Variants in CYLC2 observed in about 807,000 individuals in gnomAD.
CYLC2 encodes cylicin-2.
In CYLC2, 30 loss-of-function variants were observed where a neutral mutation model predicts 26.1. The ratio of observed to expected loss-of-function variants is 1.15; its 90% CI spans 0.86 to 1.56. The LOEUF is 1.56. Ranked by LOEUF, CYLC2 falls within the 40% of genes most tolerant of loss-of-function variation. The probability of loss-of-function intolerance (pLI) is 0.00; values close to 1 mark genes in which losing one functional copy is unlikely to be tolerated. For synonymous variants in CYLC2, 158 were observed against 132.8 expected (o/e 1.19, Z -1.31); for missense variants, 498 against 394.4 (o/e 1.26, Z -2.23).
At chr9:102,996,950 G>A (rs79034336) in intron 1 of CYLC2, among the ~76,000 whole-genome samples, 4,471 of 151,938 alleles carry the variant, frequency 0.029, 93 homozygotes, top group Non-Finnish European at 0.046. Flanking sequence ...AAACAGGTAG[G>A]AGAGGTTATC....
At chr9:103,015,700 T>C (rs114087720) in intron 6 of CYLC2, among the ~76,000 whole-genome samples, 64 of 149,282 alleles carry the variant, frequency 4.3e-4, no homozygotes, top group African/African-American at 1.5e-3. Flanking sequence ...ATGACTAATA[T>C]GGCTTTTAGA....
intron 1 of CYLC2, among the ~76,000 whole-genome samples, chr9:103,000,289 G>T (rs1829276056): frequency 6.6e-6 from 1 of 151,770 alleles, no homozygotes. Flanking sequence ...CAATTGCTGG[G>T]TGATTAAATA....
At chr9:103,016,104 C>T (rs1019305019) in intron 6 of CYLC2, among the ~76,000 whole-genome samples, 4 of 151,564 alleles carry the variant, frequency 2.6e-5, no homozygotes, top group Admixed American at 6.6e-5. Flanking sequence ...TCTATATCTA[C>T]ATATACACAT....
At chr9:103,008,930 T>G (rs1405977047) in intron 5 of CYLC2, among the ~76,000 whole-genome samples, 1 of 152,148 alleles carries the variant, frequency 6.6e-6, no homozygotes, top group East Asian at 1.9e-4. Flanking sequence ...GATGCCACAC[T>G]TACCATCAAC....
intron 1 of CYLC2, among the ~76,000 whole-genome samples, chr9:102,995,607 C>G (rs539203549): frequency 6.6e-6 from 1 of 151,724 alleles, no homozygotes; most frequent in Non-Finnish European, 1.5e-5. Context: ...AAATAGATAC[C>G]TGGCTTTGGA....
chr9:103,005,113 GC>G lies in CYLC2; in HGVS notation c.483del (p.Ser161ArgfsTer72). On this transcript the variant is annotated frameshift_variant, in exon 5 of 8. Transcript: ENST00000374798. LOFTEE classifies it high-confidence loss of function. ...KEEKLDAKKD[S>X]KKGKKDAEKG... ...GAAAAGCTAGATGCAAAGAAAGATA[GC>G]AAAAAAGGTAAAAAGGATGCAGAGA... The G allele has an allele frequency of 6.2e-7, 1 of 1,606,452 alleles. No individual in the cohort carries two copies. Among genetic ancestry groups the G allele is most frequent in the African/African-American group, 1.3e-5 (1 of 74,102 alleles).
At chr9:102,998,659 G>C (rs1448076468) in intron 1 of CYLC2, among the ~76,000 whole-genome samples, 1 of 151,886 alleles carries the variant, frequency 6.6e-6, no homozygotes, top group Non-Finnish European at 1.5e-5. Flanking sequence ...TACTAAAAAT[G>C]CAAGAGGTTA....
intron 5 of CYLC2, among the ~76,000 whole-genome samples, chr9:103,007,877 A>C (rs1829367962): frequency 6.6e-6 from 1 of 152,034 alleles, no homozygotes; most frequent in African/African-American, 2.4e-5. Context: ...TTTAACACTT[A>C]ACATTGGGTC....
intron 6 of CYLC2, among the ~76,000 whole-genome samples, chr9:103,015,683 T>C (rs982198258): frequency 6.7e-6 from 1 of 149,012 alleles, no homozygotes; most frequent in Non-Finnish European, 1.5e-5. Context: ...GTAGCTCGTT[T>C]TTGTCTATGA....
chr9:103,006,982 T>C (rs995989278), intron 5 of CYLC2, among the ~76,000 whole-genome samples: 1 of 152,136 alleles, frequency 6.6e-6, no homozygotes, highest in African/African-American at 2.4e-5. Context: ...GATTTCAGGA[T>C]TCCACAATGT....
intron 1 of CYLC2, 140 bp downstream of exon 1, chr9:102,995,537 T>A (rs1829228655): frequency 1.6e-6 from 1 of 642,712 alleles, no homozygotes. Flanking sequence ...AGACAAAGAT[T>A]CTCAAGCAAC....
At chr9:103,014,220 T>C (rs192458798) in intron 6 of CYLC2, among the ~76,000 whole-genome samples, 8,023 of 118,846 alleles carry the variant, frequency 0.068, 290 homozygotes, top group South Asian at 0.11. Context: ...ATCTCATATA[T>C]AATATATAAT....
At chr9:103,011,267 C>T (rs1366146098) in intron 5 of CYLC2, among the ~76,000 whole-genome samples, 1 of 152,056 alleles carries the variant, frequency 6.6e-6, no homozygotes, top group African/African-American at 2.4e-5. Context: ...AATTTGTAAG[C>T]TGTTTGAAGA....
At position 103,014,022 on chromosome 9, in the gene CYLC2, AT is replaced by A. The variant is rs1829455286; in HGVS notation, c.*816+1927del. Among the ~76,000 whole-genome samples, 19 of 110,804 alleles carry A rather than the reference AT, an allele frequency of 1.7e-4. 1 individual carries two copies. In the South Asian group the frequency reaches 5.2e-3, roughly 30 times the overall value. 72.7% of individuals were successfully genotyped at this position (110,804 alleles called of 152,430 possible). ...AGTTATATTATAATATATTAAATAT[AT>A]TATTCATATTATATACATACTTTAT... On this transcript the variant is annotated intron_variant, in intron 6 of 7. Coordinates refer to ENST00000374798, the MANE Select transcript of CYLC2 (RefSeq NM_001340.5).
At chr9:102,995,455 T>A (rs1279850681) in intron 1 of CYLC2, 58 bp downstream of exon 1, 1 of 1,252,306 alleles carries the variant, frequency 8.0e-7, no homozygotes, top group East Asian at 2.3e-5. Context: ...TACATTTAAC[T>A]TCTTTAGTAT....
intron 1 of CYLC2, among the ~76,000 whole-genome samples, chr9:102,997,046 T>A (rs577541414): frequency 6.6e-6 from 1 of 152,010 alleles, no homozygotes; most frequent in African/African-American, 2.4e-5. Flanking sequence ...ATCTAATGTA[T>A]ATTTTATGTT....
rs184568737 is a variant in CYLC2 at position 103,015,786 on chromosome 9, T to A, written c.*817-1102T>A. On this transcript the variant is annotated intron_variant, in intron 6 of 7. Coordinates refer to ENST00000374798, the MANE Select transcript of CYLC2 (RefSeq NM_001340.5). Reference sequence around the variant, plus strand: ...AGTTTTAAACTGTGCCAATATATCATCTAAAATTCTAGTTTCATATCTTGT... The same window carrying A: ...AGTTTTAAACTGTGCCAATATATCAACTAAAATTCTAGTTTCATATCTTGT... 2.3e-3 allele frequency among the ~76,000 whole-genome samples: 349 copies of A among 150,158 alleles called. 1 individual carries two copies. Among genetic ancestry groups the A allele is most frequent in the African/African-American group, 8.1e-3 (333 of 41,272 alleles).
At chr9:103,006,659 C>G (rs1829354942) in intron 5 of CYLC2, among the ~76,000 whole-genome samples, 1 of 152,026 alleles carries the variant, frequency 6.6e-6, no homozygotes, top group African/African-American at 2.4e-5. Context: ...CGTGATCCGC[C>G]CGTCTCGGCC....
chr9:102,997,214 G>A (rs1829247028), intron 1 of CYLC2, among the ~76,000 whole-genome samples: 1 of 151,788 alleles, frequency 6.6e-6, no homozygotes, highest in African/African-American at 2.4e-5. Context: ...GCTGGGGGTA[G>A]GGGAGATCCA....
Sources: gnomAD v4.1 joint callset for allele counts (sites outside exome capture counted in the v4.1 genomes callset) on GRCh38, gnomAD v4.1.1 for gene constraint, MANE v1.5 for transcripts, NCBI Gene and HGNC (gene_info 2026-07-23, HGNC 2026-07-21) for gene names.